MAP3K13: variants seen among roughly 807,000 people sequenced by gnomAD.
MAP3K13 encodes mitogen-activated protein kinase kinase kinase 13.
Under a neutral mutation model 104.0 loss-of-function variants are expected in MAP3K13, and 52 were observed. The observed-to-expected ratio is 0.50, with a 90% CI of 0.40 to 0.63. The LOEUF (loss-of-function observed/expected upper bound fraction) is 0.63, where lower values mean the gene tolerates loss of function less well. MAP3K13 is among the 20% of genes least tolerant of loss of function. MAP3K13 has a pLI of 0.00. For missense variants in MAP3K13, 914 were observed against 1,218.5 expected (o/e 0.75, Z 3.72); for synonymous variants, 394 against 442.2 (o/e 0.89, Z 1.37).
chr3:185,440,113 T>C (rs989438473), intron 3 of MAP3K13, among the ~76,000 whole-genome samples: 2 of 152,204 alleles, frequency 1.3e-5, no homozygotes, highest in African/African-American at 4.8e-5. Flanking sequence ...AAGATAAGAA[T>C]GCTATACTCT....
chr3:185,319,961 A>G (rs898423027), intron 2 of MAP3K13, among the ~76,000 whole-genome samples: 21 of 152,200 alleles, frequency 1.4e-4, no homozygotes, highest in African/African-American at 5.1e-4. Flanking sequence ...ATTACTTATG[A>G]GAGCTGTAAT....
intron 2 of MAP3K13, among the ~76,000 whole-genome samples, chr3:185,339,062 A>G (rs1722622567): frequency 6.6e-6 from 1 of 152,152 alleles, no homozygotes; most frequent in South Asian, 2.1e-4. Context: ...GCTGACACCT[A>G]TAATCCCAAT....
chr3:185,460,207 C>G (rs763083258), intron 7 of MAP3K13, among the ~76,000 whole-genome samples: 3 of 152,180 alleles, frequency 2.0e-5, no homozygotes, highest in Non-Finnish European at 4.4e-5. Context: ...TTGAATAGTA[C>G]GGAGCCTGAC....
At chr3:185,465,908 C>A in intron 9 of MAP3K13, 45 bp downstream of exon 9, 2 of 1,357,076 alleles carry the variant, frequency 1.5e-6, no homozygotes, top group South Asian at 1.2e-5. Flanking sequence ...TTGAGTCTGT[C>A]AATCAGCAGA....
In MAP3K13 at chr3:185,486,499, T is replaced by A. The variant is rs1439615834; in HGVS notation, c.*4043T>A. The A allele has an allele frequency of 6.6e-6, 1 of 152,248 alleles. No homozygotes were observed. The highest frequency in any genetic ancestry group is 1.5e-5 in the Non-Finnish European group (1 of 68,056). 9.4% of individuals were successfully genotyped at this position (152,248 alleles called of 1,614,324 possible). A position where few individuals can be genotyped will look rare whatever the true frequency, so the allele number is the denominator to read the frequency against. On this transcript the variant is annotated 3_prime_UTR_variant, in exon 14 of 14. Coordinates refer to ENST00000265026, the MANE Select transcript of MAP3K13 (RefSeq NM_004721.5). ...ACCGGGAAAATCTTGAATTGATGTA[T>A]GTTTCTTTGAGAACGACTCCACAGT...
chr3:185,382,255 A>C lies in MAP3K13; in HGVS notation c.-86+18887A>C, dbSNP rs575737014. Among the ~76,000 whole-genome samples, 4 of 152,348 alleles carry C rather than the reference A, an allele frequency of 2.6e-5. No individual in the cohort carries two copies. The South Asian group carries it at 8.3e-4, about 32-fold the overall frequency. On this transcript the variant is annotated intron_variant, in intron 1 of 13. Transcript: ENST00000265026. ...CATAGAAAAATTATAACAATAGACT[A>C]ATAAAACTTTGTGAATGTGATCTCT...
Position 185,401,970 on chromosome 3 carries a change from T to C in MAP3K13, c.-85-26527T>C, listed in dbSNP as rs995798588. 3.9e-5 allele frequency among the ~76,000 whole-genome samples: 6 copies of C among 152,368 alleles called. No individual in the cohort carries two copies. In the South Asian group the frequency reaches 1.2e-3, roughly 32 times the overall value. ...AGAAAATATAACCTATAATTTTTAG[T>C]TACTCAATATTCTTGAAAGCTTGAG... On this transcript the variant is annotated intron_variant, in intron 1 of 13. Transcript: ENST00000265026.
rs1175967009 is a variant in MAP3K13, at chr3:185,450,135, T to C, written c.1169+77T>C. On this transcript the variant is annotated intron_variant, in intron 6 of 13. Transcript: ENST00000265026. This position sits in a 1 kb window ranked among gnomAD's most constrained non-coding sequence, Gnocchi z 4.2. ...GTAAATATCCTGGTGGTGGAAAGAA[T>C]AGGAGCTTTGGAGTAGGAGAATCTT... 23 of 1,372,298 alleles carry C rather than the reference T, an allele frequency of 1.7e-5. No homozygotes were observed. Among genetic ancestry groups the C allele is most frequent in the Non-Finnish European group, 2.1e-5 (22 of 1,028,668 alleles). The allele number at this position is 1,372,298 out of a possible 1,614,324, so 85.0% of individuals were successfully genotyped here.
At chr3:185,478,014 A>G (rs774643380) in intron 12 of MAP3K13, among the ~76,000 whole-genome samples, 2 of 152,172 alleles carry the variant, frequency 1.3e-5, no homozygotes, top group Non-Finnish European at 2.9e-5. Context: ...TAGAGGGTCT[A>G]TCTAGATACA....
chr3:185,361,926 G>A (rs1263029966), upstream of MAP3K13, among the ~76,000 whole-genome samples: 2 of 152,210 alleles, frequency 1.3e-5, no homozygotes, highest in African/African-American at 4.8e-5. Flanking sequence ...TTTGCTGTGT[G>A]TAAAATTATC....
chr3:185,431,167 G>T (rs551961525), intron 2 of MAP3K13, among the ~76,000 whole-genome samples: 3 of 152,244 alleles, frequency 2.0e-5, no homozygotes, highest in South Asian at 2.1e-4. Flanking sequence ...CCCCTGACTC[G>T]TGGGAATTAC....
At position 185,350,928 on chromosome 3, in the gene MAP3K13, C is replaced by T. The variant is rs368797513; in HGVS notation, c.-86+65285C>T. On this transcript the variant is annotated intron_variant, in intron 2 of 14. Transcript: ENST00000424227. Reference sequence around the variant, plus strand: ...AAGACACATACATGCATATAATCATCATAGCACTCTTCACTATAGCACAAA... The same window carrying T: ...AAGACACATACATGCATATAATCATTATAGCACTCTTCACTATAGCACAAA... Among the ~76,000 whole-genome samples the T allele has an allele frequency of 1.4e-4, 21 of 152,280 alleles. No individual in the cohort carries two copies. The East Asian group carries it at 3.5e-3, about 25-fold the overall frequency.
chr3:185,319,074 T>C (rs1721771820), intron 2 of MAP3K13, among the ~76,000 whole-genome samples: 1 of 152,228 alleles, frequency 6.6e-6, no homozygotes, highest in African/African-American at 2.4e-5. Flanking sequence ...GTTTTTGAAC[T>C]TTATAAAAAT....
chr3:185,472,599 T>C (rs1454052343), intron 10 of MAP3K13, among the ~76,000 whole-genome samples: 2 of 152,244 alleles, frequency 1.3e-5, no homozygotes, highest in Admixed American at 1.3e-4. Context: ...GTCAATGTTT[T>C]CACCATTCTT....
Position 185,400,905 on chromosome 3 carries a change from G to GGTT in MAP3K13, c.-85-27592_-85-27591insGTT, listed in dbSNP as rs370500919. On this transcript the variant is annotated intron_variant, in intron 1 of 13. Transcript: ENST00000265026. ...TTAGGATAATTCTGGGTGTTTGTTT[G>GGTT]TTTTTTTTTTTTTTTTTGTCTTCTT... Among the ~76,000 whole-genome samples, 32 of 107,280 alleles carry GGTT rather than the reference G, an allele frequency of 3.0e-4. 1 individual carries two copies. In the South Asian group the frequency reaches 0.01, roughly 34 times the overall value. 70.4% of individuals were successfully genotyped at this position (107,280 alleles called of 152,430 possible).
At chr3:185,301,458 G>T (rs887776198) in intron 2 of MAP3K13, among the ~76,000 whole-genome samples, 2 of 152,000 alleles carry the variant, frequency 1.3e-5, no homozygotes, top group African/African-American at 4.8e-5. Context: ...TTGTAAGTTC[G>T]CTGTAGTCCC....
intron 2 of MAP3K13, among the ~76,000 whole-genome samples, chr3:185,434,746 A>G (rs1347569196): frequency 6.6e-6 from 1 of 152,158 alleles, no homozygotes; most frequent in Non-Finnish European, 1.5e-5. Context: ...GACTTTTCTG[A>G]TCTTTCTCTA....
chr3:185,320,282 T>C (rs932040483), intron 2 of MAP3K13, among the ~76,000 whole-genome samples: 3 of 152,136 alleles, frequency 2.0e-5, no homozygotes, highest in African/African-American at 4.8e-5. Context: ...GGTCTCACCA[T>C]GTTGGCCAGG....
At chr3:185,402,689 C>T (rs1484789367) in intron 1 of MAP3K13, among the ~76,000 whole-genome samples, 8 of 152,098 alleles carry the variant, frequency 5.3e-5, no homozygotes, top group Non-Finnish European at 7.4e-5. Flanking sequence ...TAATCCTGGG[C>T]GCTGTGTTGT....
Sources: gnomAD v4.1 joint callset for allele counts (sites outside exome capture counted in the v4.1 genomes callset) on GRCh38, gnomAD v4.1.1 for gene constraint, Gnocchi (gnomAD v3.1) non-coding constraint, MANE v1.5 for transcripts, NCBI Gene and HGNC (gene_info 2026-07-23, HGNC 2026-07-21) for gene names.